DOCK9: variants seen among roughly 807,000 people sequenced by gnomAD.
DOCK9 encodes the protein dedicator of cytokinesis protein 9.
In DOCK9, 89 loss-of-function variants were observed where a neutral mutation model predicts 263.3. That is an observed-to-expected ratio of 0.34 (90% CI 0.28 to 0.40). The LOEUF (loss-of-function observed/expected upper bound fraction) is 0.40. DOCK9 is among the 10% of genes least tolerant of loss of function. The pLI is 1.00. For missense variants in DOCK9, 2,140 were observed against 2,603.4 expected (o/e 0.82, Z 3.87); for synonymous variants, 976 against 973.1 (o/e 1.00, Z -0.06).
intron 49 of DOCK9, 48 bp downstream of exon 49, chr13:98,804,951 T>G (rs1460595143): frequency 6.5e-7 from 1 of 1,546,118 alleles, no homozygotes; most frequent in African/African-American, 1.4e-5. Flanking sequence ...GGACAGCTCT[T>G]TGGCGAGGTG....
In DOCK9 at chr13:99,074,937, C is replaced by G. The variant is rs185278895; in HGVS notation, c.129+11286G>C. Among the ~76,000 whole-genome samples, 928 of 152,256 alleles carry G rather than the reference C, an allele frequency of 6.1e-3. 13 individuals are homozygous for G. The highest frequency in any genetic ancestry group is 7.3e-3 in the Non-Finnish European group (496 of 68,024). On this transcript the variant is annotated intron_variant, in intron 1 of 32. Transcript: ENST00000427887. ...TGGATATTCACAACACAACACTCAC[C>G]ACAAAAGCTACAGGAGGTGGCTATG...
intron 1 of DOCK9, among the ~76,000 whole-genome samples, chr13:98,967,058 T>C (rs2059281379): frequency 6.6e-6 from 1 of 152,256 alleles, no homozygotes; most frequent in South Asian, 2.1e-4. Context: ...TACTAGTCCA[T>C]CTACTTTCGT....
chr13:98,810,961 T>C (rs187119453), intron 45 of DOCK9, among the ~76,000 whole-genome samples: 11 of 152,348 alleles, frequency 7.2e-5, no homozygotes, highest in Non-Finnish European at 1.6e-4. Context: ...GGGTGAATTT[T>C]AGGACCCCAG....
intron 11 of DOCK9, among the ~76,000 whole-genome samples, 200 bp downstream of exon 11, chr13:98,902,772 G>C (rs1249556471): frequency 6.6e-6 from 1 of 152,178 alleles, no homozygotes; most frequent in Admixed American, 6.5e-5. Flanking sequence ...CTCCTGGAAA[G>C]CTGAGCACAA....
At chr13:98,895,394 C>T (rs779820498) in intron 15 of DOCK9, among the ~76,000 whole-genome samples, 12 of 151,762 alleles carry the variant, frequency 7.9e-5, no homozygotes, top group Non-Finnish European at 1.5e-4. Context: ...AGGCTGGGCA[C>T]GGTGGCTCAT....
rs139388436 is a variant in DOCK9 at position 98,822,508 on chromosome 13, C to T, written c.5130+1890G>A. ...AATGGTACACTCCAGAGGTCTGACT[C>T]GGCAGAGGTGCCAGGGTGGTTTCTG... is the stretch of plus-strand genomic sequence containing the variant. On this transcript the variant is annotated intron_variant, in intron 45 of 52. Transcript: ENST00000682017. 1.8e-3 allele frequency among the ~76,000 whole-genome samples: 277 copies of T among 152,284 alleles called. 1 individual carries two copies. Among genetic ancestry groups the T allele is most frequent in the East Asian group, 5.2e-3 (27 of 5,186 alleles).
At chr13:98,903,283 CAT>C (rs2048569325) in intron 10 of DOCK9, among the ~76,000 whole-genome samples, 171 bp from the exon 11 acceptor site, 1 of 152,124 alleles carries the variant, frequency 6.6e-6, no homozygotes, top group South Asian at 2.1e-4. Flanking sequence ...TAGTTACACA[CAT>C]AGTTTATAAC....
chr13:98,906,730 T>C (rs1173638489), intron 9 of DOCK9, among the ~76,000 whole-genome samples: 1 of 152,198 alleles, frequency 6.6e-6, no homozygotes, highest in African/African-American at 2.4e-5. Context: ...GATTGTTGTA[T>C]ATAATAGGTC....
intron 1 of DOCK9, among the ~76,000 whole-genome samples, chr13:99,037,734 AACTG>A (rs1888037265): frequency 1.8e-5 from 2 of 111,322 alleles, no homozygotes; most frequent in Admixed American, 8.2e-5. Flanking sequence ...TCAACAAACT[AACTG>A]ACTGATAAAT....
At chr13:99,073,989 T>TCA (rs1220077197) in intron 1 of DOCK9, among the ~76,000 whole-genome samples, 1 of 152,268 alleles carries the variant, frequency 6.6e-6, no homozygotes, top group African/African-American at 2.4e-5. Flanking sequence ...CTTTAAGTTG[T>TCA]CATATAATGA....
intron 9 of DOCK9, among the ~76,000 whole-genome samples, chr13:98,906,305 A>G (rs1335187794): frequency 6.6e-6 from 1 of 152,160 alleles, no homozygotes; most frequent in Non-Finnish European, 1.5e-5. Flanking sequence ...GGTGGACAGA[A>G]GAGAGGCCAC....
At chr13:99,043,818 GGACGGCCAGCTTCAGT>G (rs1262399058) in intron 1 of DOCK9, among the ~76,000 whole-genome samples, 3 of 152,138 alleles carry the variant, frequency 2.0e-5, no homozygotes, top group Middle Eastern at 3.4e-3. Context: ...CTCCATGATG[GGACGGCCAGCTTCAGT>G]GTTTGCTTGT....
At chr13:99,050,193 A>G (rs2040620415) in intron 1 of DOCK9, among the ~76,000 whole-genome samples, 1 of 152,204 alleles carries the variant, frequency 6.6e-6, no homozygotes, top group Non-Finnish European at 1.5e-5. Context: ...TAGTTTATCT[A>G]TGTCACAGAG....
intron 2 of DOCK9, among the ~76,000 whole-genome samples, chr13:98,941,385 A>T (rs1445232797): frequency 6.6e-6 from 1 of 152,170 alleles, no homozygotes; most frequent in Non-Finnish European, 1.5e-5. Flanking sequence ...TTCACCAAAT[A>T]ATGTACTGCT....
chr13:98,915,361 A>G lies in DOCK9; in HGVS notation c.860T>C (p.Met287Thr), dbSNP rs2050726890. The change falls in exon 8 of 53, where the codon ATG becomes ACG. Residue 287 changes from methionine (M) to threonine (T), a missense_variant. Transcript: ENST00000682017. Reference sequence around the variant, plus strand: ...AGAGTCGCCATTTCGCTTTTCTTGCATTGCAGCTTCAAAGTTGAGCTGGAG... The same window carrying G: ...AGAGTCGCCATTTCGCTTTTCTTGCGTTGCAGCTTCAAAGTTGAGCTGGAG... ...KILQLNFEAAMQEKRNGDSHE... is the reference protein window; with the variant it reads ...KILQLNFEAATQEKRNGDSHE... 2 of 1,613,754 alleles carry G rather than the reference A, an allele frequency of 1.2e-6. No individual in the cohort carries two copies. The highest frequency in any genetic ancestry group is 2.7e-5 in the African/African-American group (2 of 74,918).
At position 99,045,653 on chromosome 13, in the gene DOCK9, T is replaced by C. The variant is rs547235969; in HGVS notation, c.129+40570A>G. ...AATGTTAAGTATGTGAAGTATTGCA[T>C]GTTACTTAGCTTGATTGAACCATTC... On this transcript the variant is annotated intron_variant, in intron 1 of 32. Coordinates refer to the DOCK9 transcript ENST00000427887. 3.3e-5 allele frequency among the ~76,000 whole-genome samples: 5 copies of C among 152,316 alleles called. No individual in the cohort carries two copies. In the East Asian group the frequency reaches 5.8e-4, roughly 18 times the overall value.
intron 37 of DOCK9, chr13:98,846,680 T>G: frequency 1.6e-6 from 1 of 619,198 alleles, no homozygotes; most frequent in Admixed American, 2.2e-5. Flanking sequence ...ATGACACCTG[T>G]CCCCTGTCCC....
At chr13:98,929,326 T>C (rs1045457171) in intron 3 of DOCK9, among the ~76,000 whole-genome samples, 1 of 152,106 alleles carries the variant, frequency 6.6e-6, no homozygotes, top group Non-Finnish European at 1.5e-5. Flanking sequence ...GCAGATCACT[T>C]GAGGTCAGGA....
rs1224273930 is a variant in DOCK9, at chr13:98,853,323, G to C, written c.3946+85C>G. On this transcript the variant is annotated intron_variant, in intron 35 of 52. Coordinates refer to ENST00000682017, the MANE Select transcript of DOCK9 (RefSeq NM_001366683.2). Reference sequence around the variant, plus strand: ...AACAAGAAAATCCTTTGAAATCTTTGTATCATTTCAACTTATTACAAGTTA... The same window carrying C: ...AACAAGAAAATCCTTTGAAATCTTTCTATCATTTCAACTTATTACAAGTTA... The C allele has an allele frequency of 7.5e-6, 6 of 798,310 alleles. No homozygotes were observed. In the African/African-American group the frequency reaches 8.8e-5, roughly 12 times the overall value. 49.5% of individuals were successfully genotyped at this position (798,310 alleles called of 1,614,324 possible).
Sources: gnomAD v4.1 joint callset for allele counts (sites outside exome capture counted in the v4.1 genomes callset) on GRCh38, gnomAD v4.1.1 for gene constraint, MANE v1.5 for transcripts, NCBI Gene and HGNC (gene_info 2026-07-23, HGNC 2026-07-21) for gene names.